RABL3: variants seen among roughly 807,000 people sequenced by gnomAD.
The protein encoded by RABL3 is rab-like protein 3.
A neutral mutation model predicts 31.8 loss-of-function variants in RABL3; 31 were observed. That is an observed-to-expected ratio of 0.97 (90% confidence interval 0.73 to 1.31). RABL3 has a LOEUF of 1.31. RABL3 is among the 40% of genes most tolerant of loss of function. The pLI is 0.00. For missense variants in RABL3, 263 were observed against 279.6 expected, an observed-to-expected ratio of 0.94 and a Z score of 0.42; for synonymous variants, 97 against 99.9, an observed-to-expected ratio of 0.97 and a Z score of 0.18.
chr3:120,724,802 A>G (rs911601902), intron 2 of RABL3, among the ~76,000 whole-genome samples: 3 of 152,254 alleles, frequency 2.0e-5, no homozygotes, highest in African/African-American at 7.2e-5. Context: ...AATTAATTCA[A>G]GATGGATTAA....
At chr3:120,742,302 C>T (rs1207262847) in intron 1 of RABL3, among the ~76,000 whole-genome samples, 160 bp downstream of exon 1, 1 of 152,174 alleles carries the variant, frequency 6.6e-6, no homozygotes, top group Non-Finnish European at 1.5e-5. Context: ...ACCGCGTCGT[C>T]ACACGGAGCA....
chr3:120,735,051 G>T (rs1036647001), intron 1 of RABL3, among the ~76,000 whole-genome samples: 2 of 152,140 alleles, frequency 1.3e-5, no homozygotes, highest in Admixed American at 6.6e-5. Flanking sequence ...GGATGATGCT[G>T]GCCTCGTAAA....
Position 120,698,418 on chromosome 3 carries a change from C to T in RABL3, c.534+5G>A, listed in dbSNP as rs773735868. The T allele has an allele frequency of 3.1e-6, 5 of 1,611,228 alleles. No individual in the cohort carries two copies. In the Admixed American group the frequency reaches 8.4e-5, roughly 27 times the overall value. On this transcript the variant is annotated splice_donor_5th_base_variant and intron_variant, in intron 5 of 7. Transcript: ENST00000273375. ...ATACAAGCATGCATTAGTGAAAATACATACCAAATTAATTTCTTCTGGATT... is the reference window on the plus strand; with the variant it reads ...ATACAAGCATGCATTAGTGAAAATATATACCAAATTAATTTCTTCTGGATT...
intron 2 of RABL3, among the ~76,000 whole-genome samples, chr3:120,720,494 C>G (rs1413645513): frequency 6.6e-6 from 1 of 152,144 alleles, no homozygotes; most frequent in African/African-American, 2.4e-5. Context: ...CCTTAAAGGA[C>G]CTGATGGAGC....
At position 120,725,836 on chromosome 3, in the gene RABL3, T is replaced by G. The variant is rs991654111; in HGVS notation, c.138+4860A>C. ...CGGGGAGGGATAGCATTAGGAGATA[T>G]ACCTAATGTTAAATTACGAGTTAAT... On this transcript the variant is annotated intron_variant, in intron 2 of 7. Coordinates refer to ENST00000273375, the MANE Select transcript of RABL3 (RefSeq NM_173825.5). 1.9e-4 allele frequency among the ~76,000 whole-genome samples: 29 copies of G among 152,236 alleles called. No individual in the cohort carries two copies. The East Asian group carries it at 5.2e-3, about 27-fold the overall frequency.
chr3:120,694,331 C>T, intron 5 of RABL3, 107 bp from the exon 6 acceptor site: 1 of 635,624 alleles, frequency 1.6e-6, no homozygotes, highest in Non-Finnish European at 2.8e-6. Context: ...TACTATTAGG[C>T]ACAATACTCT....
chr3:120,721,580 A>G (rs1226678251), intron 2 of RABL3, among the ~76,000 whole-genome samples: 1 of 152,214 alleles, frequency 6.6e-6, no homozygotes, highest in Non-Finnish European at 1.5e-5. Context: ...AGAGACAAAG[A>G]AGGCCATTAC....
rs780143650 is a variant in RABL3, at chr3:120,685,651, C to G, written c.*4172G>C. 1.3e-5 allele frequency among the ~76,000 whole-genome samples: 2 copies of G among 152,118 alleles called. No homozygotes were observed. The highest frequency in any genetic ancestry group is 2.9e-5 in the Non-Finnish European group (2 of 68,028). On this transcript the variant is annotated 3_prime_UTR_variant, in exon 8 of 8. Transcript: ENST00000273375. ...TAGCTTTGAGTGGGGAGGAGTGGAT[C>G]AGTTCATTAAGGTGAGATCAGGTTG...
At chr3:120,704,895 A>T (rs1429762809) in intron 4 of RABL3, among the ~76,000 whole-genome samples, 1 of 152,050 alleles carries the variant, frequency 6.6e-6, no homozygotes, top group East Asian at 1.9e-4. Context: ...AAATACAAAA[A>T]TCAGCCAGGT....
At chr3:120,730,809 T>C (rs374621194) in intron 1 of RABL3, 22 bp from the exon 2 acceptor site, 3 of 1,501,636 alleles carry the variant, frequency 2.0e-6, no homozygotes, top group African/African-American at 2.8e-5. Flanking sequence ...ACAAGAACTC[T>C]AGTCACATAA....
chr3:120,738,273 G>A (rs1225286289), intron 1 of RABL3, among the ~76,000 whole-genome samples: 1 of 152,228 alleles, frequency 6.6e-6, no homozygotes, highest in Admixed American at 6.5e-5. Flanking sequence ...CAATGAGCAA[G>A]GCTCCGTGGG....
At position 120,686,525 on chromosome 3, in the gene RABL3, T is replaced by A. The variant is rs151171488; in HGVS notation, c.*3298A>T. The stretch of plus-strand genomic sequence containing the variant: ...CAGGGCACCTGGATTATATCATGAA[T>A]GCCTCAAGTTTGAGGAATTCTAAGA... On this transcript the variant is annotated 3_prime_UTR_variant, in exon 8 of 8. Coordinates refer to ENST00000273375, the MANE Select transcript of RABL3 (RefSeq NM_173825.5). 6.6e-6 allele frequency among the ~76,000 whole-genome samples: 1 copy of A among 152,204 alleles called. No homozygotes were observed. Among genetic ancestry groups the A allele is most frequent in the Non-Finnish European group, 1.5e-5 (1 of 68,042 alleles).
chr3:120,733,357 T>C (rs567145867), intron 1 of RABL3, among the ~76,000 whole-genome samples: 1 of 152,158 alleles, frequency 6.6e-6, no homozygotes, highest in Non-Finnish European at 1.5e-5. Flanking sequence ...TGCATAAATG[T>C]CTTCTTTTGA....
At chr3:120,736,703 C>A (rs1476825387) in intron 1 of RABL3, among the ~76,000 whole-genome samples, 104 of 143,136 alleles carry the variant, frequency 7.3e-4, no homozygotes, top group South Asian at 1.3e-3. Context: ...GTGCTTCCTT[C>A]AGGAGCTCTT....
At chr3:120,711,492 C>T (rs1708612223) in intron 2 of RABL3, among the ~76,000 whole-genome samples, 1 of 152,124 alleles carries the variant, frequency 6.6e-6, no homozygotes, top group South Asian at 2.1e-4. Context: ...CCCAACCTCC[C>T]TGTTTGTTTT....
chr3:120,730,645 G>T, intron 2 of RABL3, 51 bp downstream of exon 2: 1 of 1,170,224 alleles, frequency 8.5e-7, no homozygotes, highest in Non-Finnish European at 1.3e-6. Context: ...GTAATTTGAA[G>T]CAGTTATCTT....
intron 2 of RABL3, among the ~76,000 whole-genome samples, 190 bp downstream of exon 2, chr3:120,730,506 C>T (rs969842576): frequency 1.3e-5 from 2 of 152,148 alleles, no homozygotes; most frequent in African/African-American, 2.4e-5. Context: ...ATCTACACAT[C>T]TCAGTTTTAA....
At chr3:120,699,434 C>T (rs555035863) in intron 4 of RABL3, among the ~76,000 whole-genome samples, 2 of 152,260 alleles carry the variant, frequency 1.3e-5, no homozygotes, top group South Asian at 4.1e-4. Context: ...CTGAAAAGAA[C>T]ACAGAGGCCA....
At chr3:120,690,277 A>C (rs1708364682) in intron 7 of RABL3, among the ~76,000 whole-genome samples, 172 bp downstream of exon 7, 1 of 151,956 alleles carries the variant, frequency 6.6e-6, no homozygotes, top group African/African-American at 2.4e-5. Flanking sequence ...CTAGATCCTT[A>C]TTTTCCCTTT....
Sources: allele counts gnomAD v4.1 joint callset (sites outside exome capture counted in the v4.1 genomes callset), GRCh38; gene constraint gnomAD v4.1.1; transcripts MANE v1.5; gene names NCBI Gene and HGNC (gene_info 2026-07-23, HGNC 2026-07-21).